Variants in OR5A2 observed in about 807,000 individuals in gnomAD.
The protein encoded by OR5A2 is olfactory receptor family 5 subfamily A member 2, also known as olfactory receptor 5A2.
For missense variants in OR5A2, 406 were observed against 398.9 expected, an observed-to-expected ratio of 1.02 and a Z score of -0.15; for synonymous variants, 155 against 151.1, an observed-to-expected ratio of 1.03 and a Z score of -0.19.
Position 59,421,973 on chromosome 11 carries a change from T to C in OR5A2, c.*6A>G. 1 of 1,584,392 alleles carries C rather than the reference T, an allele frequency of 6.3e-7. No individual in the cohort carries two copies. The highest frequency in any genetic ancestry group is 1.7e-4 in the Middle Eastern group (1 of 5,894). On this transcript the variant is annotated 3_prime_UTR_variant, in exon 2 of 2. Coordinates refer to ENST00000302040, the MANE Select transcript of OR5A2 (RefSeq NM_001001954.2). ...ATTCACCTAGCTCACAGCTTCATTGTAAACATTAGCCCAAGGTCATAAAAA... is the reference window on the plus strand; with the variant it reads ...ATTCACCTAGCTCACAGCTTCATTGCAAACATTAGCCCAAGGTCATAAAAA...
chr11:59,425,554 G>C (rs1321198320), intron 1 of OR5A2: 1 of 152,050 alleles, frequency 6.6e-6, no homozygotes, highest in Admixed American at 6.6e-5. Context: ...GCAAAAGGGG[G>C]GTCTCTTCAG....
Position 59,423,051 on chromosome 11 carries a change from G to A in OR5A2, c.-91-7C>T. On this transcript the variant is annotated splice_polypyrimidine_tract_variant and splice_region_variant and intron_variant, in intron 1 of 1. Coordinates refer to ENST00000302040, the MANE Select transcript of OR5A2 (RefSeq NM_001001954.2). ...TTGTAAGAGTGGGTATTTCCTAGAAGATCATACAAACAGTCAGCAACAAGT... is the reference window on the plus strand; with the variant it reads ...TTGTAAGAGTGGGTATTTCCTAGAAAATCATACAAACAGTCAGCAACAAGT... 8.1e-7 allele frequency: 1 copy of A among 1,241,242 alleles called. No individual in the cohort carries two copies. The highest frequency in any genetic ancestry group is 1.1e-6 in the Non-Finnish European group (1 of 885,210). The allele number at this position is 1,241,242 out of a possible 1,614,324, so 76.9% of individuals were successfully genotyped here.
At position 59,422,612 on chromosome 11, in the gene OR5A2, A is replaced by G. The variant is rs1156878603; in HGVS notation, c.342T>C (p.Phe114=). The G allele has an allele frequency of 1.2e-6, 2 of 1,614,026 alleles. No homozygotes were observed. The highest frequency in any genetic ancestry group is 8.5e-7 in the Non-Finnish European group (1 of 1,180,028). Residue 114 remains phenylalanine, a synonymous_variant, in exon 2 of 2, where the codon TTT becomes TTC. Transcript: ENST00000302040. ...VFCGMGLTEC[F]LLAAMAYDRY... ...GGTCATAGGCCATAGCTGCCAGGAG[A>G]AAGCATTCAGTCAGCCCCATCCCAC...
chr11:59,419,588 G>A lies in OR5A2; in HGVS notation c.*2391C>T, dbSNP rs750203627. 5 of 152,150 alleles carry A rather than the reference G, an allele frequency of 3.3e-5. No individual in the cohort carries two copies. The highest frequency in any genetic ancestry group is 3.9e-4 in the East Asian group (2 of 5,186). The allele number at this position is 152,150 out of a possible 1,614,324, so 9.4% of individuals were successfully genotyped here. ...GGTTTTATATATTTTAGGGAAGCAT[G>A]ATACATCAATCAAATACATTTAAGA... On this transcript the variant is annotated 3_prime_UTR_variant, in exon 2 of 2. Transcript: ENST00000302040.
chr11:59,422,144 G>C lies in OR5A2; in HGVS notation c.810C>G (p.Asn270Lys), dbSNP rs185518554. Residue 270 changes from asparagine to lysine, a missense_variant, in exon 2 of 2, where the codon AAC becomes AAG. Physicochemically the swap from Asn to Lys is moderately conservative, Grantham distance 94. Transcript: ENST00000302040. ...YMRPSSSYSL[N>K]RDKVVSIFYA... The stretch of plus-strand genomic sequence containing the variant: ...AGAATATGGACACCACCTTGTCCCT[G>C]TTTAGGGAGTAGCTGGAACTGGGTC... 2 of 1,614,008 alleles carry C rather than the reference G, an allele frequency of 1.2e-6. No individual in the cohort carries two copies. Among genetic ancestry groups the C allele is most frequent in the Admixed American group, 1.7e-5 (1 of 60,016 alleles).
rs552104091 is a variant in OR5A2 at position 59,422,918 on chromosome 11, T to C, written c.36A>G (p.Lys12=). Residue 12 remains lysine (K), a synonymous_variant, in exon 2 of 2, where the codon AAA becomes AAG. Transcript: ENST00000302040. ...AVGRNNTIVT[K]FILLGLSDHP... ...GGTCTGAAAGTCCCAGGAGAATGAA[T>C]TTTGTCACAATTGTGTTGTTCCTTC... The C allele has an allele frequency of 6.2e-7, 1 of 1,613,968 alleles. No individual in the cohort carries two copies. The highest frequency in any genetic ancestry group is 1.3e-5 in the African/African-American group (1 of 75,016).
rs373363809 is a variant in OR5A2 at position 59,422,423 on chromosome 11, G to C, written c.531C>G (p.His177Gln). 3.7e-6 allele frequency: 6 copies of C among 1,614,176 alleles called. No individual in the cohort carries two copies. Among genetic ancestry groups the C allele is most frequent in the Non-Finnish European group, 5.1e-6 (6 of 1,180,034 alleles). The change falls in exon 2 of 2, where the codon CAC becomes CAG. Residue 177 changes from histidine (H) to glutamine (Q), a missense_variant. Transcript: ENST00000302040. Reference sequence around the variant, plus strand: ...GGACTGGAGGGAGGTCACAGAAAAAGTGGTTGATCATATAGGGCCCACAGA... The same window carrying C: ...GGACTGGAGGGAGGTCACAGAAAAACTGGTTGATCATATAGGGCCCACAGA... ...HDFCGPYMINHFFCDLPPVLA... is the reference protein window; with the variant it reads ...HDFCGPYMINQFFCDLPPVLA...
rs542079279 is a variant in OR5A2, at chr11:59,422,777, G to C, written c.177C>G (p.Pro59=). The C allele has an allele frequency of 3.1e-6, 5 of 1,614,142 alleles. No individual in the cohort carries two copies. In the South Asian group the frequency reaches 5.5e-5, roughly 18 times the overall value. ...LIKMDSHLHM[P]MYFFLSNLSF... Reference sequence around the variant, plus strand: ...ACAGGTTACTGAGGAAGAAGTACATGGGCATGTGCAGGTGAGAGTCCATCT... The same window carrying C: ...ACAGGTTACTGAGGAAGAAGTACATCGGCATGTGCAGGTGAGAGTCCATCT... The change falls in exon 2 of 2, where the codon CCC becomes CCG. Residue 59 remains proline, a synonymous_variant. Coordinates refer to ENST00000302040, the MANE Select transcript of OR5A2 (RefSeq NM_001001954.2).
chr11:59,418,049 C>G lies in OR5A2; in HGVS notation c.*3930G>C, dbSNP rs1244684094. On this transcript the variant is annotated 3_prime_UTR_variant, in exon 2 of 2. Transcript: ENST00000302040. ...TTTCTTAGACCAAAAGTAGGAAAAG[C>G]TGTAAGTTCATCAATCTATAAATAT... The G allele has an allele frequency of 6.6e-6, 1 of 152,008 alleles. No individual in the cohort carries two copies. The allele number at this position is 152,008 out of a possible 1,614,324, so 9.4% of individuals were successfully genotyped here.
rs150394868 is a variant in OR5A2, at chr11:59,422,102, G to A, written c.852C>T (p.Pro284=). Residue 284 remains proline, a synonymous_variant, in exon 2 of 2, where the codon CCC becomes CCT. Coordinates refer to ENST00000302040, the MANE Select transcript of OR5A2 (RefSeq NM_001001954.2). ...VVSIFYALVI[P]VVNPIIYSFR... is the part of the protein sequence containing the mutation. Reference sequence around the variant, plus strand: ...AACTGTAGATGATGGGATTCACCACGGGGATCACCAAGGCATAGAATATGG... The same window carrying A: ...AACTGTAGATGATGGGATTCACCACAGGGATCACCAAGGCATAGAATATGG... The A allele has an allele frequency of 4.0e-5, 65 of 1,613,914 alleles. No individual in the cohort carries two copies. The highest frequency in any genetic ancestry group is 2.0e-4 in the African/African-American group (15 of 74,872).
chr11:59,425,991 G>T (rs1858298670), intron 1 of OR5A2, 180 bp downstream of exon 1: 1 of 152,146 alleles, frequency 6.6e-6, no homozygotes, highest in Non-Finnish European at 1.5e-5. Flanking sequence ...AGTACTTATT[G>T]TGTGCGAGGT....
At chr11:59,423,127 G>A (rs145440872) in intron 1 of OR5A2, 83 bp from the exon 2 acceptor site, 1 of 652,558 alleles carries the variant, frequency 1.5e-6, no homozygotes, top group Non-Finnish European at 2.7e-6. Context: ...AGACTTTTCA[G>A]AGGAAGTCAG....
At chr11:59,423,929 A>C (rs575027173) in intron 1 of OR5A2, 2 of 152,386 alleles carry the variant, frequency 1.3e-5, no homozygotes, top group East Asian at 3.9e-4. Context: ...AAGAACAAAC[A>C]GCAATCAATA....
rs773487029 is a variant in OR5A2, at chr11:59,422,203, G to A, written c.751C>T (p.Leu251Phe). 10 of 1,614,136 alleles carry A rather than the reference G, an allele frequency of 6.2e-6. No homozygotes were observed. In the East Asian group the frequency reaches 2.2e-4, roughly 36 times the overall value. Reference sequence around the variant, plus strand: ...ATGAAGAATCCAGAACCATAGAAGAGGGTCACAGCAGTCAGGTGAGAGGCA... The same window carrying A: ...ATGAAGAATCCAGAACCATAGAAGAAGGTCACAGCAGTCAGGTGAGAGGCA... The part of the protein sequence containing the change: ...TCASHLTAVT[L>F]FYGSGFFMYM... The change falls in exon 2 of 2, where the codon CTC becomes TTC. Residue 251 changes from leucine to phenylalanine, a missense_variant. Transcript: ENST00000302040.
Position 59,422,141 on chromosome 11 carries a change from C to G in OR5A2, c.813G>C (p.Arg271Ser). 1 of 1,614,002 alleles carries G rather than the reference C, an allele frequency of 6.2e-7. No homozygotes were observed. Among genetic ancestry groups the G allele is most frequent in the South Asian group, 1.1e-5 (1 of 91,064 alleles). ...CATAGAATATGGACACCACCTTGTC[C>G]CTGTTTAGGGAGTAGCTGGAACTGG... ...MRPSSSYSLN[R>S]DKVVSIFYAL... The change falls in exon 2 of 2, where the codon AGG becomes AGC. Residue 271 changes from arginine (R) to serine (S), a missense_variant. Arg to Ser is a moderately radical substitution (Grantham distance 110). Transcript: ENST00000302040.
At chr11:59,425,373 G>T (rs1003436591) in intron 1 of OR5A2, 2 of 152,262 alleles carry the variant, frequency 1.3e-5, no homozygotes, top group Non-Finnish European at 2.9e-5. Context: ...CTAGTGCAGG[G>T]TCTGCAAAAT....
chr11:59,424,616 T>A (rs1453548), intron 1 of OR5A2: 92,745 of 151,520 alleles, frequency 0.61, 29,021 homozygotes, highest in East Asian at 0.74. Context: ...AAATTTTTTT[T>A]AAAAATTAGG....
Position 59,421,808 on chromosome 11 carries a change from A to G in OR5A2, c.*171T>C. The G allele has an allele frequency of 3.9e-6, 2 of 511,518 alleles. No individual in the cohort carries two copies. The highest frequency in any genetic ancestry group is 2.6e-5 in the South Asian group (1 of 37,808). 31.7% of individuals were successfully genotyped at this position (511,518 alleles called of 1,614,324 possible). A position where few individuals can be genotyped will look rare whatever the true frequency, so the allele number is the denominator to read the frequency against. ...CAAACTATACAATGCTATTCATTTT[A>G]CAAGCAACAATGGCCAAAATGTTTT... On this transcript the variant is annotated 3_prime_UTR_variant, in exon 2 of 2. Coordinates refer to ENST00000302040, the MANE Select transcript of OR5A2 (RefSeq NM_001001954.2).
Position 59,422,071 on chromosome 11 carries a change from T to G in OR5A2, c.883A>C (p.Asn295His). 6.2e-7 allele frequency: 1 copy of G among 1,614,080 alleles called. No homozygotes were observed. Among genetic ancestry groups the G allele is most frequent in the Non-Finnish European group, 8.5e-7 (1 of 1,179,982 alleles). The stretch of plus-strand genomic sequence containing the variant: ...CTCATGGCATTTTTAATCTCCTTAT[T>G]CCTAAAACTGTAGATGATGGGATTC... ...VVNPIIYSFR[N>H]KEIKNAMRKA... Residue 295 changes from asparagine to histidine, a missense_variant, in exon 2 of 2, where the codon AAT becomes CAT. Physicochemically the swap from Asn to His is moderately conservative, Grantham distance 68. Transcript: ENST00000302040.
Sources: gnomAD v4.1 joint callset for allele counts on GRCh38, gnomAD v4.1.1 for gene constraint, MANE v1.5 for transcripts, NCBI Gene and HGNC (gene_info 2026-07-23, HGNC 2026-07-21) for gene names.